Variants in CHD4 observed in about 807,000 individuals in gnomAD.
The protein encoded by CHD4 is ATP-dependent chromatin remodeler CHD4.
Under a neutral mutation model 235.5 loss-of-function variants are expected in CHD4, and 35 were observed. The observed-to-expected ratio is 0.15, with a 90% CI of 0.11 to 0.20. CHD4 has a LOEUF of 0.20. Ranked by LOEUF, CHD4 falls within the 10% of genes least tolerant of loss-of-function variation. The pLI, the probability that CHD4 is intolerant of heterozygous loss-of-function variation, is 1.00. For missense variants in CHD4, 1,329 were observed against 2,432.3 expected, an observed-to-expected ratio of 0.55 and a Z score of 9.54; for synonymous variants, 900 against 850.2, an observed-to-expected ratio of 1.06 and a Z score of -1.02.
At chr12:6,576,782 CAT>C (rs1448409246) in intron 37 of CHD4, among the ~76,000 whole-genome samples, 1 of 152,202 alleles carries the variant, frequency 6.6e-6, no homozygotes, top group Non-Finnish European at 1.5e-5. Flanking sequence ...TTTGATTACA[CAT>C]GTGCTCCTAC....
intron 25 of CHD4, chr12:6,584,665 T>C (rs939722863): frequency 2.0e-5 from 3 of 152,270 alleles, no homozygotes; most frequent in African/African-American, 7.2e-5. Flanking sequence ...ATTCTAGGCA[T>C]GAGCCACCGT....
chr12:6,605,927 TCCA>T lies in CHD4; in HGVS notation c.100+344_100+346del, dbSNP rs536646872. Among the ~76,000 whole-genome samples, 93 of 151,778 alleles carry T rather than the reference TCCA, an allele frequency of 6.1e-4. 1 individual carries two copies. The highest frequency in any genetic ancestry group is 1.9e-3 in the African/African-American group (79 of 41,392). ...TCAAACAGAATCCTCAACGCCCCCC[TCCA>T]CCACCACCACCACAAGCCTCCAGGG... is the stretch of plus-strand genomic sequence containing the variant. On this transcript the variant is annotated intron_variant, in intron 2 of 39. Transcript: ENST00000544040.
At chr12:6,584,338 C>T (rs567329783) in intron 25 of CHD4, 1 of 152,056 alleles carries the variant, frequency 6.6e-6, no homozygotes, top group East Asian at 1.9e-4. Context: ...TAGTTGTCCC[C>T]AAGAAGGGAA....
In CHD4 at chr12:6,578,167, TG is replaced by T. The variant is rs762348120; in HGVS notation, c.5120-31del. 112 of 1,571,020 alleles carry T rather than the reference TG, an allele frequency of 7.1e-5. 1 individual carries two copies. In the African/African-American group the frequency reaches 1.3e-3, roughly 18 times the overall value. On this transcript the variant is annotated intron_variant, in intron 35 of 39. Transcript: ENST00000544040. Reference sequence around the variant, plus strand: ...GGAGGAATTTAGGGAAGGTTGGGGGTGGGGGGAAGCAAACATCTGTGAGAAT... The same window carrying T: ...GGAGGAATTTAGGGAAGGTTGGGGGTGGGGGAAGCAAACATCTGTGAGAAT...
At chr12:6,600,879 T>A (rs778681183) in intron 7 of CHD4, 47 bp downstream of exon 7, 35 of 1,532,720 alleles carry the variant, frequency 2.3e-5, no homozygotes, top group Non-Finnish European at 2.9e-5. Flanking sequence ...TCACATCCTT[T>A]CTATTAGACA....
At chr12:6,604,546 T>C (rs1037701587) in intron 2 of CHD4, among the ~76,000 whole-genome samples, 5 of 151,864 alleles carry the variant, frequency 3.3e-5, no homozygotes, top group African/African-American at 1.2e-4. Flanking sequence ...TAAGGACTTT[T>C]CCCCACCAAT....
chr12:6,601,882 C>T, intron 4 of CHD4, 78 bp downstream of exon 4: 1 of 1,569,934 alleles, frequency 6.4e-7, no homozygotes, highest in Non-Finnish European at 8.7e-7. Context: ...AGAAAGTGTT[C>T]TAAAGGGCAG....
At chr12:6,588,595 C>T (rs1245664489) in intron 22 of CHD4, among the ~76,000 whole-genome samples, 173 bp from the exon 23 acceptor site, 1 of 151,902 alleles carries the variant, frequency 6.6e-6, no homozygotes, top group Non-Finnish European at 1.5e-5. Flanking sequence ...CTGGCCAACA[C>T]GGTGAAACCC....
chr12:6,580,729 C>T, intron 33 of CHD4: 1 of 172,690 alleles, frequency 5.8e-6, no homozygotes, highest in East Asian at 8.5e-5. Context: ...AAAAAAAAAG[C>T]CAGGCACAGT....
At chr12:6,602,222 A>T in intron 3 of CHD4, 47 bp from the exon 4 acceptor site, 1 of 1,605,192 alleles carries the variant, frequency 6.2e-7, no homozygotes, top group East Asian at 2.2e-5. Context: ...CACACATGCT[A>T]CACACATGCT....
At chr12:6,597,286 A>C (rs1357160099) in intron 12 of CHD4, among the ~76,000 whole-genome samples, 14 of 151,444 alleles carry the variant, frequency 9.2e-5, no homozygotes, top group Non-Finnish European at 1.8e-4. Context: ...AACAATAATA[A>C]TAAAATAAAT....
At chr12:6,590,974 T>C (rs902957546) in intron 22 of CHD4, among the ~76,000 whole-genome samples, 1 of 150,672 alleles carries the variant, frequency 6.6e-6, no homozygotes, top group Non-Finnish European at 1.5e-5. Flanking sequence ...AATACAAAAA[T>C]TAGCTGGGCG....
intron 30 of CHD4, 87 bp from the exon 31 acceptor site, chr12:6,581,901 C>T: frequency 7.0e-7 from 1 of 1,432,634 alleles, no homozygotes. Context: ...CTCCCGGGTT[C>T]AAGCAATTCT....
At chr12:6,578,572 T>A in intron 34 of CHD4, 26 bp from the exon 35 acceptor site, 1 of 1,607,386 alleles carries the variant, frequency 6.2e-7, no homozygotes, top group Non-Finnish European at 8.5e-7. Context: ...AAGAAAAATG[T>A]CAGCTCCAGC....
intron 4 of CHD4, 72 bp downstream of exon 4, chr12:6,601,888 G>A: frequency 4.5e-6 from 7 of 1,564,416 alleles, no homozygotes; most frequent in Non-Finnish European, 6.1e-6. Flanking sequence ...TGTTCTAAAG[G>A]GCAGTAAGGT....
intron 25 of CHD4, chr12:6,587,072 G>A (rs188695301): frequency 5.1e-5 from 15 of 295,734 alleles, no homozygotes; most frequent in Non-Finnish European, 8.2e-5. Context: ...CTTTTCTCTA[G>A]AGAGATGAGG....
intron 12 of CHD4, 130 bp from the exon 13 acceptor site, chr12:6,596,267 CCTCTACTGTACCAGT>C: frequency 8.6e-7 from 1 of 1,156,464 alleles, no homozygotes; most frequent in Non-Finnish European, 1.2e-6. Flanking sequence ...GTTTTCAGAG[CCTCTACTGTACCAGT>C]CTCTGACCAA....
chr12:6,602,232 T>C, intron 3 of CHD4, 57 bp from the exon 4 acceptor site: 3 of 1,603,528 alleles, frequency 1.9e-6, no homozygotes. Context: ...ACACACATGC[T>C]GACCTCAGGA....
chr12:6,601,934 A>G (rs903308453), intron 4 of CHD4, 26 bp downstream of exon 4: 28 of 1,606,012 alleles, frequency 1.7e-5, no homozygotes, highest in Non-Finnish European at 2.3e-5. Flanking sequence ...TTAACAGTAC[A>G]AAGAAGAGGA....
Sources: gnomAD v4.1 joint callset for allele counts (sites outside exome capture counted in the v4.1 genomes callset) on GRCh38, gnomAD v4.1.1 for gene constraint, MANE v1.5 for transcripts, NCBI Gene and HGNC (gene_info 2026-07-23, HGNC 2026-07-21) for gene names.